The following SYT12 variants were observed in gnomAD, a reference collection of about 807,000 sequenced individuals.
SYT12 encodes synaptotagmin-12.
In SYT12, 27 loss-of-function variants were observed where a neutral mutation model predicts 39.5. The observed-to-expected ratio is 0.68, with a 90% CI of 0.50 to 0.94. SYT12 has a LOEUF of 0.94. SYT12 is among the 40% of genes least tolerant of loss of function. The pLI is 0.00. For synonymous variants in SYT12, 233 were observed against 239.7 expected, an observed-to-expected ratio of 0.97 and a Z score of 0.26; for missense variants, 536 against 572.6, an observed-to-expected ratio of 0.94 and a Z score of 0.65.
upstream of SYT12, among the ~76,000 whole-genome samples, chr11:67,023,131 G>A (rs937781644): frequency 6.6e-6 from 1 of 152,192 alleles, no homozygotes; most frequent in Non-Finnish European, 1.5e-5. Context: ...GACGCGCTTG[G>A]GGATCTCCGG....
intron 3 of SYT12, among the ~76,000 whole-genome samples, chr11:67,015,256 G>A (rs1950048196): frequency 6.6e-6 from 1 of 152,216 alleles, no homozygotes; most frequent in South Asian, 2.1e-4. Flanking sequence ...TGGGCAGGGG[G>A]TCGCAACAGG....
intron 1 of SYT12, chr11:67,028,713 G>A (rs1382348114): frequency 6.6e-6 from 1 of 152,210 alleles, no homozygotes; most frequent in African/African-American, 2.4e-5. Context: ...TTTTTATACT[G>A]CGTCTGAATG....
At chr11:67,033,502 G>A (rs11227656) in intron 2 of SYT12, among the ~76,000 whole-genome samples, 4,213 of 152,214 alleles carry the variant, frequency 0.028, 182 homozygotes, top group African/African-American at 0.09. Context: ...GGTGCTCTTC[G>A]CACCTCTCCC....
At chr11:67,030,309 G>A in intron 2 of SYT12, 131 bp downstream of exon 2, 1 of 1,095,848 alleles carries the variant, frequency 9.1e-7, no homozygotes, top group Non-Finnish European at 1.3e-6. Context: ...AGGACAGTCA[G>A]TGACTTGCCC....
intron 1 of SYT12, chr11:67,029,686 T>A (rs922467734): frequency 6.4e-6 from 1 of 156,758 alleles, no homozygotes. Context: ...AAACCGCATC[T>A]CTACAAAAAA....
At chr11:67,042,405 G>A (rs1950528924) in intron 4 of SYT12, among the ~76,000 whole-genome samples, 1 of 152,178 alleles carries the variant, frequency 6.6e-6, no homozygotes, top group Non-Finnish European at 1.5e-5. Flanking sequence ...TGTGTGCTGA[G>A]AACCTGGTTC....
At chr11:67,048,528 C>T in intron 7 of SYT12, 56 bp from the exon 8 acceptor site, 1 of 1,561,192 alleles carries the variant, frequency 6.4e-7, no homozygotes, top group South Asian at 1.1e-5. Flanking sequence ...ACCCAGAGGC[C>T]AAGAAGTACC....
At chr11:67,044,782 G>A (rs1950583509) in intron 6 of SYT12, 69 bp downstream of exon 6, 22 of 1,594,182 alleles carry the variant, frequency 1.4e-5, no homozygotes, top group Middle Eastern at 1.7e-4. Flanking sequence ...CTGCTGTGCT[G>A]TGGGCACCCG....
chr11:67,030,852 G>C (rs916139550), intron 2 of SYT12: 3 of 152,494 alleles, frequency 2.0e-5, no homozygotes, highest in South Asian at 4.1e-4. Context: ...CATACCAGCC[G>C]TCTTTTCTCC....
chr11:67,038,402 C>T (rs1162740578), intron 3 of SYT12, among the ~76,000 whole-genome samples: 2 of 151,614 alleles, frequency 1.3e-5, no homozygotes, highest in African/African-American at 4.8e-5. Context: ...TGACCTCAGG[C>T]GATCCGCCAC....
chr11:67,030,252 T>C (rs1950240460), intron 2 of SYT12, 74 bp downstream of exon 2: 2 of 1,528,248 alleles, frequency 1.3e-6, no homozygotes, highest in Admixed American at 1.7e-5. Flanking sequence ...GGGAGGTGTC[T>C]GTGGGACATG....
chr11:67,047,831 A>G (rs1273119927), intron 7 of SYT12, among the ~76,000 whole-genome samples: 1 of 111,832 alleles, frequency 8.9e-6, no homozygotes, highest in African/African-American at 3.5e-5. Flanking sequence ...TCTTTCGCCC[A>G]GGCTGGACTG....
intron 3 of SYT12, among the ~76,000 whole-genome samples, chr11:67,038,688 T>G (rs998474198): frequency 6.6e-6 from 1 of 152,062 alleles, no homozygotes; most frequent in Non-Finnish European, 1.5e-5. Flanking sequence ...CAAATATACA[T>G]ATTAAGAAAA....
chr11:67,044,161 C>A (rs1950566592), intron 5 of SYT12, among the ~76,000 whole-genome samples: 2 of 152,208 alleles, frequency 1.3e-5, no homozygotes, highest in Admixed American at 1.3e-4. Context: ...AGACAGACAC[C>A]AAGCTGCACT....
At chr11:67,016,789 C>A (rs1361124748) in intron 3 of SYT12, among the ~76,000 whole-genome samples, 1 of 152,060 alleles carries the variant, frequency 6.6e-6, no homozygotes, top group African/African-American at 2.4e-5. Flanking sequence ...TCACACTTCC[C>A]CCTAGAAGCC....
intron 2 of SYT12, among the ~76,000 whole-genome samples, chr11:67,033,180 T>G (rs1396657798): frequency 7.2e-6 from 1 of 138,796 alleles, no homozygotes; most frequent in Non-Finnish European, 1.6e-5. Context: ...CACTCTGGGC[T>G]TTTTATACCC....
At position 67,043,764 on chromosome 11, in the gene SYT12, A is replaced by C; in HGVS notation, c.748A>C (p.Ser250Arg). The change falls in exon 5 of 8, where the codon AGC (serine) becomes CGC (arginine). Residue 250 changes from serine to arginine, a missense_variant. By Grantham distance (110) the Ser-to-Arg change is moderately radical (BLOSUM62 -1). Coordinates refer to ENST00000527043, the MANE Select transcript of SYT12 (RefSeq NM_177963.4). ...FGIDEDERNV[S>R]TGVVELKLSV... ...CATCGATGAGGATGAGCGCAACGTC[A>C]GCACGGGGGTGGTGGAGCTGAAGCT... 2 of 1,614,160 alleles carry C rather than the reference A, an allele frequency of 1.2e-6. No individual in the cohort carries two copies. Among genetic ancestry groups the C allele is most frequent in the Non-Finnish European group, 1.7e-6 (2 of 1,180,040 alleles).
chr11:67,040,460 G>A (rs975869260), intron 4 of SYT12, among the ~76,000 whole-genome samples: 6 of 152,176 alleles, frequency 3.9e-5, no homozygotes, highest in Admixed American at 1.3e-4. Context: ...GGCAACTGTC[G>A]TTGTCCACAT....
At chr11:67,030,076 G>T in intron 1 of SYT12, 46 bp from the exon 2 acceptor site, 3 of 1,593,074 alleles carry the variant, frequency 1.9e-6, no homozygotes, top group East Asian at 2.2e-5. Context: ...GGAGCGGGAC[G>T]CTGACTCTCT....
Sources: gnomAD v4.1 joint callset for allele counts (sites outside exome capture counted in the v4.1 genomes callset) on GRCh38, gnomAD v4.1.1 for gene constraint, MANE v1.5 for transcripts, NCBI Gene and HGNC (gene_info 2026-07-23, HGNC 2026-07-21) for gene names.